Variants in RRP12 observed in about 807,000 individuals in gnomAD.
The protein encoded by RRP12 is ribosomal RNA processing 12 homolog.
Under a neutral mutation model 157.3 loss-of-function variants are expected in RRP12, and 78 were observed. The observed-to-expected ratio is 0.50, with a 90% CI of 0.41 to 0.60. The LOEUF is 0.60. RRP12 is among the 20% of genes least tolerant of loss of function. The pLI is 0.00. For synonymous variants in RRP12, 726 were observed against 670.9 expected (o/e 1.08, Z -1.27); for missense variants, 1,521 against 1,679.9 (o/e 0.91, Z 1.65).
At chr10:97,372,213 G>A (rs549274918) in intron 19 of RRP12, 47 bp from the exon 20 acceptor site, 10 of 1,470,360 alleles carry the variant, frequency 6.8e-6, no homozygotes, top group South Asian at 2.3e-5. Flanking sequence ...GCTGGAGAAG[G>A]GCGCAGACTA....
chr10:97,378,023 TAGGCCTGAGTCTGCCTA>T (rs1431968720), intron 15 of RRP12, among the ~76,000 whole-genome samples: 3 of 152,108 alleles, frequency 2.0e-5, no homozygotes, highest in Non-Finnish European at 4.4e-5. Context: ...TATCCTCACG[TAGGCCTGAGTCTGCCTA>T]AGGCCTGAGT....
chr10:97,362,074 T>C (rs1589409716), intron 30 of RRP12, among the ~76,000 whole-genome samples: 1 of 131,508 alleles, frequency 7.6e-6, no homozygotes, highest in African/African-American at 3.0e-5. Flanking sequence ...GCCACTACAC[T>C]CCAGCCTGGC....
chr10:97,401,103 G>T lies in RRP12; in HGVS notation c.129C>A (p.Ser43Arg). The T allele has an allele frequency of 6.2e-7, 1 of 1,613,488 alleles. No homozygotes were observed. Among genetic ancestry groups the T allele is most frequent in the South Asian group, 1.1e-5 (1 of 91,042 alleles). Residue 43 changes from serine to arginine, a missense_variant, in exon 1 of 34, where the codon AGC becomes AGA. By Grantham distance (110) the Ser-to-Arg change is moderately radical (BLOSUM62 -1). Coordinates refer to ENST00000370992, the MANE Select transcript of RRP12 (RefSeq NM_015179.4). ...HRQAARSRFF[S>R]RPSGRSDLTV... The stretch of plus-strand genomic sequence containing the variant: ...TCTCAACCCAGCTACCTGACGGCCG[G>T]CTGAAGAAGCGGCTGCGGGCGGCCT...
chr10:97,367,238 G>T, intron 25 of RRP12, 106 bp from the exon 26 acceptor site: 1 of 952,474 alleles, frequency 1.0e-6, no homozygotes, highest in Non-Finnish European at 1.6e-6. Flanking sequence ...CAGCTGAGGG[G>T]AGGGTTAGCG....
In RRP12 at chr10:97,390,479, C is replaced by G. The variant is rs376656308; in HGVS notation, c.697G>C (p.Val233Leu). ...KQDLEAWGYP[V>L]TLQVYHGLLS... is the part of the protein sequence containing the mutation. ...AGCCCATGGTACACCTGAAGGGTCACGGGGTAGCCCCAGGCCTCCAGGTCT... is the reference window on the plus strand; with the variant it reads ...AGCCCATGGTACACCTGAAGGGTCAGGGGGTAGCCCCAGGCCTCCAGGTCT... Residue 233 changes from valine to leucine, a missense_variant, in exon 6 of 34, where the codon GTG becomes CTG. Physicochemically the swap from Val to Leu is conservative, Grantham distance 32. Coordinates refer to ENST00000370992, the MANE Select transcript of RRP12 (RefSeq NM_015179.4). 6.2e-7 allele frequency: 1 copy of G among 1,614,180 alleles called. No individual in the cohort carries two copies. Among genetic ancestry groups the G allele is most frequent in the Admixed American group, 1.7e-5 (1 of 60,026 alleles).
chr10:97,384,803 G>A (rs533703853), intron 10 of RRP12, among the ~76,000 whole-genome samples: 87 of 150,050 alleles, frequency 5.8e-4, no homozygotes, highest in African/African-American at 2.0e-3. Flanking sequence ...CTGGACAGAG[G>A]CTCTGAGAAC....
chr10:97,396,137 A>G (rs1313069813), intron 3 of RRP12, 81 bp downstream of exon 3: 2 of 992,158 alleles, frequency 2.0e-6, no homozygotes, highest in Non-Finnish European at 3.2e-6. Context: ...CTACCCCCAC[A>G]TGCCAGGGGC....
At chr10:97,392,316 T>A (rs147060638) in intron 4 of RRP12, among the ~76,000 whole-genome samples, 225 of 152,136 alleles carry the variant, frequency 1.5e-3, no homozygotes, top group Non-Finnish European at 2.5e-3. Flanking sequence ...AACTTTTTCA[T>A]CTTAAAGAAT....
At position 97,370,173 on chromosome 10, in the gene RRP12, A is replaced by C; in HGVS notation, c.2791T>G (p.Phe931Val). The C allele has an allele frequency of 6.3e-7, 1 of 1,596,618 alleles. No individual in the cohort carries two copies. Among genetic ancestry groups the C allele is most frequent in the African/African-American group, 1.3e-5 (1 of 74,722 alleles). ...ILALTHLLFE[F>V]KGLMGTSTVE... is the part of the protein sequence containing the mutation. ...CTAGGAAATAAGCATTTACCTTTAA[A>C]CTCGAAAAGGAGGTGGGTCAGGGCC... Residue 931 changes from phenylalanine (F) to valine (V), a missense_variant, in exon 24 of 34, where the codon TTT becomes GTT. Transcript: ENST00000370992.
At chr10:97,361,313 G>A (rs920003287) in intron 30 of RRP12, among the ~76,000 whole-genome samples, 1 of 152,228 alleles carries the variant, frequency 6.6e-6, no homozygotes, top group Non-Finnish European at 1.5e-5. Context: ...GAGCCCGACA[G>A]CGGCCCCAGC....
chr10:97,400,999 T>A, intron 1 of RRP12, 94 bp downstream of exon 1: 2 of 1,452,832 alleles, frequency 1.4e-6, no homozygotes, highest in Non-Finnish European at 1.9e-6. Context: ...GTCCAATGCC[T>A]GGCCCCGCAC....
chr10:97,370,583 C>T, intron 22 of RRP12, 23 bp from the exon 23 acceptor site: 2 of 1,600,814 alleles, frequency 1.2e-6, no homozygotes, highest in Non-Finnish European at 1.7e-6. Flanking sequence ...ACTCCATCAG[C>T]ATCTGCTCCC....
rs142036425 is a variant in RRP12, at chr10:97,381,529, A to G, written c.1321-46T>C. ...CTTTCTGGGCCCAAGGCAGCCCCCCAGGACCACTCTCCCCTCCCAGGCAAC... is the reference window on the plus strand; with the variant it reads ...CTTTCTGGGCCCAAGGCAGCCCCCCGGGACCACTCTCCCCTCCCAGGCAAC... On this transcript the variant is annotated intron_variant, in intron 11 of 33. Coordinates refer to ENST00000370992, the MANE Select transcript of RRP12 (RefSeq NM_015179.4). 1.4e-3 allele frequency: 2,063 copies of G among 1,448,788 alleles called. 25 individuals are homozygous for G. The African/African-American group carries it at 0.024, about 17-fold the overall frequency. The allele number at this position is 1,448,788 out of a possible 1,614,324, so 89.7% of individuals were successfully genotyped here.
chr10:97,371,926 CA>C, intron 20 of RRP12, 146 bp downstream of exon 20: 1 of 604,316 alleles, frequency 1.7e-6, no homozygotes, highest in Non-Finnish European at 3.0e-6. Context: ...ACACAGGACA[CA>C]AAGAGAAGCC....
At chr10:97,362,255 G>A (rs546860172) in intron 30 of RRP12, among the ~76,000 whole-genome samples, 129 of 152,242 alleles carry the variant, frequency 8.5e-4, no homozygotes, top group Admixed American at 1.4e-3. Flanking sequence ...CGCTCTGCCC[G>A]GGGCAGTGGG....
At chr10:97,364,437 G>A (rs1315921505) in intron 29 of RRP12, among the ~76,000 whole-genome samples, 4 of 152,120 alleles carry the variant, frequency 2.6e-5, no homozygotes, top group African/African-American at 4.8e-5. Context: ...GCACGTGACC[G>A]GCCATGTGTG....
chr10:97,373,861 T>G lies in RRP12; in HGVS notation c.1832A>C (p.Glu611Ala). ...MDLAQAGSTV[E>A]SKIYDTLQWQ... ...CTGGAGTGTGTCGTAGATCTTAGAT[T>G]CCACTGTGCTGCCTGCCTGAGCCAG... is the stretch of plus-strand genomic sequence containing the variant. The change falls in exon 16 of 34, where the codon GAA becomes GCA. Residue 611 changes from glutamate (E) to alanine (A), a missense_variant. By Grantham distance (107) the Glu-to-Ala change is moderately radical. Coordinates refer to ENST00000370992, the MANE Select transcript of RRP12 (RefSeq NM_015179.4). 6.2e-7 allele frequency: 1 copy of G among 1,613,736 alleles called. No individual in the cohort carries two copies. The highest frequency in any genetic ancestry group is 8.5e-7 in the Non-Finnish European group (1 of 1,179,914).
rs1029652300 is a variant in RRP12 at position 97,371,871 on chromosome 10, A to G, written c.2343+202T>C. ...CACTCAGCACGCAAGGCCTAAGCAC[A>G]GCTGTGCATTTCAGTCCCTTTGGGA... On this transcript the variant is annotated intron_variant, in intron 20 of 33. Transcript: ENST00000370992. 7 of 530,568 alleles carry G rather than the reference A, an allele frequency of 1.3e-5. 1 individual carries two copies. In the South Asian group the frequency reaches 1.8e-4, roughly 14 times the overall value. The allele number at this position is 530,568 out of a possible 1,614,324, so 32.9% of individuals were successfully genotyped here. A position where few individuals can be genotyped will look rare whatever the true frequency, so the allele number is the denominator to read the frequency against.
intron 3 of RRP12, among the ~76,000 whole-genome samples, chr10:97,395,016 G>A (rs779583860): frequency 7.9e-5 from 12 of 151,774 alleles, no homozygotes; most frequent in Admixed American, 5.3e-4. Flanking sequence ...GGTGGCAGGC[G>A]CCTGTAATTC....
Sources: allele counts gnomAD v4.1 joint callset (sites outside exome capture counted in the v4.1 genomes callset), GRCh38; gene constraint gnomAD v4.1.1; transcripts MANE v1.5; gene names NCBI Gene and HGNC (gene_info 2026-07-23, HGNC 2026-07-21).